The following LINGO2 variants were observed in gnomAD, a reference collection of about 807,000 sequenced individuals.
The protein encoded by LINGO2 is leucine-rich repeat and immunoglobulin-like domain-containing nogo receptor-interacting protein 2.
In LINGO2, 14 loss-of-function variants were observed where a neutral mutation model predicts 30.6. The observed-to-expected ratio is 0.46, with a 90% CI of 0.30 to 0.72. The LOEUF is 0.72. Ranked by LOEUF, LINGO2 falls within the 30% of genes least tolerant of loss-of-function variation. LINGO2 has a pLI of 0.07. For synonymous variants in LINGO2, 317 were observed against 288.5 expected, an observed-to-expected ratio of 1.10 and a Z score of -1.00; for missense variants, 729 against 751.7, an observed-to-expected ratio of 0.97 and a Z score of 0.35.
Position 28,559,847 on chromosome 9 carries a change from A to C in LINGO2, c.-364-83822T>G, listed in dbSNP as rs1203246447. Among the ~76,000 whole-genome samples the C allele has an allele frequency of 2.6e-5, 4 of 151,978 alleles. No homozygotes were observed. In the East Asian group the frequency reaches 5.8e-4, roughly 22 times the overall value. ...TTTCAAGAAAAGTTTAGTGTACCTC[A>C]ACTGGATCTGAGGCTGGAATCTAGG... On this transcript the variant is annotated intron_variant, in intron 1 of 5. Coordinates refer to ENST00000379992, the Ensembl canonical transcript of LINGO2.
chr9:28,996,262 C>T, the LINGO2 span, among the ~76,000 whole-genome samples: 2 of 152,062 alleles, frequency 1.3e-5, no homozygotes, highest in Admixed American at 6.6e-5. Flanking sequence ...ATAGCATTAC[C>T]TTAACTAGCA....
chr9:28,730,671 T>C, the LINGO2 span, among the ~76,000 whole-genome samples: 2 of 152,086 alleles, frequency 1.3e-5, no homozygotes, highest in South Asian at 2.1e-4. Context: ...ACTATGACAG[T>C]TGTACATACT....
the LINGO2 span, among the ~76,000 whole-genome samples, chr9:28,883,654 A>AT: frequency 2.3e-5 from 3 of 131,180 alleles, no homozygotes; most frequent in South Asian, 2.4e-4. Flanking sequence ...ATATATATAT[A>AT]TATATATATA....
intron 4 of LINGO2, among the ~76,000 whole-genome samples, chr9:28,049,564 C>CA (rs1009042341): frequency 6.6e-6 from 1 of 150,558 alleles, no homozygotes; most frequent in Non-Finnish European, 1.5e-5. Flanking sequence ...GCAAGGGCTT[C>CA]AGGTTCATGT....
chr9:28,040,552 T>C (rs1198000), intron 4 of LINGO2, among the ~76,000 whole-genome samples: 33,905 of 149,576 alleles, frequency 0.23, 4,202 homozygotes, highest in East Asian at 0.37. Flanking sequence ...TTATGAACCA[T>C]GTCATAATAG....
At chr9:29,037,581 C>A in the LINGO2 span, among the ~76,000 whole-genome samples, 1 of 151,894 alleles carries the variant, frequency 6.6e-6, no homozygotes, top group Non-Finnish European at 1.5e-5. Context: ...TATGCTTCCA[C>A]GTTATATGAA....
chr9:28,274,248 C>G (rs1221585602), intron 4 of LINGO2, among the ~76,000 whole-genome samples: 4 of 152,142 alleles, frequency 2.6e-5, no homozygotes, highest in Admixed American at 1.3e-4. Context: ...TCTTTTAACA[C>G]TATACCTTAT....
chr9:28,764,055 G>A, the LINGO2 span, among the ~76,000 whole-genome samples: 11 of 151,434 alleles, frequency 7.3e-5, no homozygotes, highest in Admixed American at 7.2e-4. Context: ...ACAAAAAAGA[G>A]CAAGGACTAG....
Position 28,103,287 on chromosome 9 carries a change from T to A in LINGO2, c.-86-90882A>T, listed in dbSNP as rs148725268. The stretch of plus-strand genomic sequence containing the variant: ...TTTATTTACATGTGCTGTGTTAGAT[T>A]ACATAAACGGTCATGATTCTCCATG... On this transcript the variant is annotated intron_variant, in intron 4 of 5. Coordinates refer to ENST00000379992, the Ensembl canonical transcript of LINGO2. Among the ~76,000 whole-genome samples the A allele has an allele frequency of 2.4e-3, 359 of 152,288 alleles. 2 individuals are homozygous for A. Among genetic ancestry groups the A allele is most frequent in the African/African-American group, 8.3e-3 (344 of 41,580 alleles).
the LINGO2 span, among the ~76,000 whole-genome samples, chr9:28,686,860 C>T: frequency 6.6e-6 from 1 of 151,932 alleles, no homozygotes; most frequent in South Asian, 2.1e-4. Flanking sequence ...GCCCATGGCC[C>T]ACTGAAGATC....
At chr9:28,902,641 A>G in the LINGO2 span, among the ~76,000 whole-genome samples, 86 of 152,262 alleles carry the variant, frequency 5.6e-4, no homozygotes, top group South Asian at 0.017. Context: ...TGGGACAGAA[A>G]ATAAGTCTTA....
chr9:28,187,624 T>A (rs997130209), intron 4 of LINGO2, among the ~76,000 whole-genome samples: 4 of 152,038 alleles, frequency 2.6e-5, no homozygotes, highest in African/African-American at 9.7e-5. Flanking sequence ...AGAGGAGAGA[T>A]TAATTTCCGA....
At chr9:27,945,932 C>G (rs947209844), downstream of LINGO2, among the ~76,000 whole-genome samples, 1 of 152,078 alleles carries the variant, frequency 6.6e-6, no homozygotes, top group African/African-American at 2.4e-5. Flanking sequence ...GGTCAATATA[C>G]TTTTATGATC....
At chr9:28,057,542 T>C (rs187276208) in intron 4 of LINGO2, among the ~76,000 whole-genome samples, 12 of 145,910 alleles carry the variant, frequency 8.2e-5, no homozygotes, top group East Asian at 3.9e-4. Context: ...CACACACACA[T>C]ATGTATATAA....
chr9:29,062,616 A>G, the LINGO2 span, among the ~76,000 whole-genome samples: 12 of 152,172 alleles, frequency 7.9e-5, no homozygotes, highest in African/African-American at 2.9e-4. Flanking sequence ...TTTCACTTAC[A>G]TGAGATGCCT....
In LINGO2 at chr9:28,450,711, TAG is replaced by T. The variant is rs766856077; in HGVS notation, c.-279+25227_-279+25228del. Among the ~76,000 whole-genome samples the T allele has an allele frequency of 6.2e-4, 94 of 152,032 alleles. 1 individual carries two copies. The highest frequency in any genetic ancestry group is 5.6e-3 in the Admixed American group (85 of 15,238). ...CAATCCATGCCGTATGTCAATACAG[TAG>T]AGTGTTCCTGACTATGGGTTGAAGT... is the stretch of plus-strand genomic sequence containing the variant. On this transcript the variant is annotated intron_variant, in intron 2 of 5. Coordinates refer to ENST00000379992, the Ensembl canonical transcript of LINGO2.
chr9:28,946,727 A>G, the LINGO2 span, among the ~76,000 whole-genome samples: 1 of 152,106 alleles, frequency 6.6e-6, no homozygotes, highest in Admixed American at 6.5e-5. Flanking sequence ...TAAAAATGTA[A>G]TCTTCAGCAA....
At chr9:28,292,314 A>C (rs1194042847) in intron 4 of LINGO2, among the ~76,000 whole-genome samples, 3 of 152,162 alleles carry the variant, frequency 2.0e-5, no homozygotes, top group Non-Finnish European at 4.4e-5. Context: ...AATAAGATCC[A>C]ACTCACATGG....
intron 4 of LINGO2, among the ~76,000 whole-genome samples, chr9:28,288,132 T>C (rs1188274669): frequency 6.6e-6 from 1 of 152,136 alleles, no homozygotes; most frequent in Non-Finnish European, 1.5e-5. Flanking sequence ...TTTAAAAACA[T>C]ATATATAAAT....
Sources: allele counts gnomAD v4.1 joint callset (sites outside exome capture counted in the v4.1 genomes callset), GRCh38; gene constraint gnomAD v4.1.1; transcripts MANE v1.5; gene names NCBI Gene and HGNC (gene_info 2026-07-23, HGNC 2026-07-21).